DDX10: variants seen among roughly 807,000 people sequenced by gnomAD.
DDX10 encodes the protein DEAD-box helicase 10.
In DDX10, 74 loss-of-function variants were observed where a neutral mutation model predicts 104.3. The ratio of observed to expected loss-of-function variants is 0.71; its 90% confidence interval spans 0.59 to 0.86. The LOEUF is 0.86. Ranked by LOEUF, DDX10 falls within the 40% of genes least tolerant of loss-of-function variation. DDX10 has a pLI of 0.00. For synonymous variants in DDX10, 351 were observed against 353.4 expected (o/e 0.99, Z 0.08); for missense variants, 952 against 1,040.0 (o/e 0.92, Z 1.16).
At chr11:108,787,591 A>G (rs151133952) in intron 13 of DDX10, among the ~76,000 whole-genome samples, 365 of 152,012 alleles carry the variant, frequency 2.4e-3, no homozygotes, top group African/African-American at 8.3e-3. Context: ...TTGGTCCTCA[A>G]GCTCTGAGAT....
intron 13 of DDX10, among the ~76,000 whole-genome samples, chr11:108,835,046 G>C (rs559230781): frequency 6.6e-6 from 1 of 151,714 alleles, no homozygotes. Flanking sequence ...CTAAGCCTTT[G>C]TGAGGAAAAG....
In DDX10 at chr11:108,873,945, A is replaced by G. The variant is rs566592304; in HGVS notation, c.2304+21736A>G. Among the ~76,000 whole-genome samples the G allele has an allele frequency of 9.2e-5, 14 of 152,322 alleles. No individual in the cohort carries two copies. In the South Asian group the frequency reaches 2.5e-3, roughly 27 times the overall value. On this transcript the variant is annotated intron_variant, in intron 16 of 17. Coordinates refer to ENST00000322536, the MANE Select transcript of DDX10 (RefSeq NM_004398.4). The stretch of plus-strand genomic sequence containing the variant: ...ACAGTACATGAACTTGTTTCATTCA[A>G]ATAATTGCAAAGAGTCTATTTCTGT...
At chr11:108,819,177 T>C (rs1862293083) in intron 13 of DDX10, among the ~76,000 whole-genome samples, 1 of 152,208 alleles carries the variant, frequency 6.6e-6, no homozygotes. Context: ...CCATGTCTGT[T>C]TTGTTATATA....
intron 13 of DDX10, among the ~76,000 whole-genome samples, chr11:108,808,231 C>A (rs1297660827): frequency 6.6e-6 from 1 of 151,288 alleles, no homozygotes; most frequent in East Asian, 1.9e-4. Flanking sequence ...ATTTTTTTTC[C>A]AGTAACTATT....
At chr11:108,700,572 T>C (rs1255826343) in intron 9 of DDX10, among the ~76,000 whole-genome samples, 1 of 152,210 alleles carries the variant, frequency 6.6e-6, no homozygotes, top group Non-Finnish European at 1.5e-5. Flanking sequence ...ACATTTGTGG[T>C]CATGAAGACG....
chr11:108,841,222 A>C, intron 14 of DDX10, 93 bp from the exon 15 acceptor site: 3 of 1,041,518 alleles, frequency 2.9e-6, no homozygotes, highest in Non-Finnish European at 4.3e-6. Flanking sequence ...GAAAATGGGT[A>C]TCTGCACCTT....
In DDX10 at chr11:108,694,265, G is replaced by A. The variant is rs1411589417; in HGVS notation, c.1223+665G>A. 2.0e-5 allele frequency among the ~76,000 whole-genome samples: 3 copies of A among 152,252 alleles called. No homozygotes were observed. In the East Asian group the frequency reaches 5.8e-4, roughly 29 times the overall value. ...ACAGATAGAGGGGGGACTACTTACTGTATTATTAAATCCCTATTTTCAGGT... is the reference window on the plus strand; with the variant it reads ...ACAGATAGAGGGGGGACTACTTACTATATTATTAAATCCCTATTTTCAGGT... On this transcript the variant is annotated intron_variant, in intron 9 of 17. Coordinates refer to ENST00000322536, the MANE Select transcript of DDX10 (RefSeq NM_004398.4).
At chr11:108,682,428 A>G (rs1029377653) in intron 6 of DDX10, among the ~76,000 whole-genome samples, 4 of 152,262 alleles carry the variant, frequency 2.6e-5, no homozygotes, top group African/African-American at 9.6e-5. Context: ...GTTTGATATT[A>G]GTCTACCTAT....
At chr11:108,865,148 G>A (rs1394715195) in intron 16 of DDX10, among the ~76,000 whole-genome samples, 1 of 152,142 alleles carries the variant, frequency 6.6e-6, no homozygotes, top group African/African-American at 2.4e-5. Context: ...AGAGTGCTTC[G>A]AGTGATCACA....
At chr11:108,762,506 C>CA in intron 13 of DDX10, among the ~76,000 whole-genome samples, 1 of 151,946 alleles carries the variant, frequency 6.6e-6, no homozygotes, top group Non-Finnish European at 1.5e-5. Context: ...CAATAGAGAC[C>CA]AAAAAACCTA....
chr11:108,891,068 C>A (rs531775201), intron 16 of DDX10, among the ~76,000 whole-genome samples: 2 of 152,276 alleles, frequency 1.3e-5, no homozygotes, highest in South Asian at 2.1e-4. Flanking sequence ...AAATCCACGT[C>A]CTGCCTCTTA....
intron 13 of DDX10, among the ~76,000 whole-genome samples, chr11:108,814,184 A>G (rs1862224231): frequency 6.6e-6 from 1 of 152,156 alleles, no homozygotes. Context: ...AGTTACTCAG[A>G]TGGCATAGAC....
rs370787851 is a variant in DDX10, at chr11:108,669,646, C to T, written c.187-3821C>T. Among the ~76,000 whole-genome samples, 4 of 152,172 alleles carry T rather than the reference C, an allele frequency of 2.6e-5. No individual in the cohort carries two copies. In the East Asian group the frequency reaches 7.7e-4, roughly 29 times the overall value. On this transcript the variant is annotated intron_variant, in intron 1 of 17. Coordinates refer to ENST00000322536, the MANE Select transcript of DDX10 (RefSeq NM_004398.4). ...TCTTAAAGTGTCCACATCCTAATAC[C>T]TGGAACCTGTGAATATGTTAGATGG...
intron 11 of DDX10, 73 bp from the exon 12 acceptor site, chr11:108,719,724 A>C: frequency 1.1e-6 from 1 of 877,152 alleles, no homozygotes; most frequent in Non-Finnish European, 1.8e-6. Context: ...CCATTGGCTA[A>C]TTTTCTTATA....
chr11:108,844,131 A>G (rs1862679991), intron 15 of DDX10, among the ~76,000 whole-genome samples: 1 of 152,212 alleles, frequency 6.6e-6, no homozygotes, highest in East Asian at 1.9e-4. Context: ...TTTTGAAACC[A>G]GTACTTCTGT....
At chr11:108,747,167 G>A (rs1035911364) in intron 13 of DDX10, among the ~76,000 whole-genome samples, 1 of 152,136 alleles carries the variant, frequency 6.6e-6, no homozygotes, top group Non-Finnish European at 1.5e-5. Flanking sequence ...CCCAGTATAT[G>A]AATTTGAGCT....
intron 13 of DDX10, among the ~76,000 whole-genome samples, chr11:108,803,888 T>G (rs1167066743): frequency 6.6e-6 from 1 of 152,214 alleles, no homozygotes; most frequent in Non-Finnish European, 1.5e-5. Flanking sequence ...TTCTTTTTGC[T>G]ATCCTATGAG....
Position 108,800,442 on chromosome 11 carries a change from C to CAAAAAAAAAA in DDX10, c.1966-37993_1966-37984dup, listed in dbSNP as rs61200843. On this transcript the variant is annotated intron_variant, in intron 13 of 17. Coordinates refer to ENST00000322536, the MANE Select transcript of DDX10 (RefSeq NM_004398.4). ...CCTGGGCGACAGAGCGAGACTCTTT[C>CAAAAAAAAAA]AAAAAAAAAAAAAAAAAAAAGAACA... Among the ~76,000 whole-genome samples, 148 of 94,376 alleles carry CAAAAAAAAAA rather than the reference C, an allele frequency of 1.6e-3. 5 individuals are homozygous for CAAAAAAAAAA. The highest frequency in any genetic ancestry group is 5.6e-3 in the African/African-American group (138 of 24,690). The allele number at this position is 94,376 out of a possible 152,430, so 61.9% of individuals were successfully genotyped here. A position where few individuals can be genotyped will look rare whatever the true frequency, so the allele number is the denominator to read the frequency against.
intron 1 of DDX10, among the ~76,000 whole-genome samples, chr11:108,665,891 T>C (rs911884920): frequency 6.6e-6 from 1 of 152,176 alleles, no homozygotes; most frequent in Non-Finnish European, 1.5e-5. Context: ...CTCCTTCCTG[T>C]GGCCACCTCA....
Sources: allele counts gnomAD v4.1 joint callset (sites outside exome capture counted in the v4.1 genomes callset), GRCh38; gene constraint gnomAD v4.1.1; transcripts MANE v1.5; gene names NCBI Gene and HGNC (gene_info 2026-07-23, HGNC 2026-07-21).